FOXJ3: variants seen among roughly 807,000 people sequenced by gnomAD.
The protein encoded by FOXJ3 is forkhead box protein J3.
A neutral mutation model predicts 76.1 loss-of-function variants in FOXJ3; 22 were observed. That is an observed-to-expected ratio of 0.29 (90% CI 0.21 to 0.41). The LOEUF (loss-of-function observed/expected upper bound fraction) is 0.41, where lower values mean the gene tolerates loss of function less well. Among genes scored for constraint, FOXJ3 ranks in the 10% least tolerant of loss-of-function variants. The probability of loss-of-function intolerance (pLI) is 1.00; values close to 1 mark genes in which losing one functional copy is unlikely to be tolerated. For missense variants in FOXJ3, 613 were observed against 762.1 expected (o/e 0.80, Z 2.30); for synonymous variants, 269 against 261.2 (o/e 1.03, Z -0.29).
rs773634945 is a variant in FOXJ3 at position 42,179,800 on chromosome 1, C to T, written c.1779G>A (p.Gln593=). The T allele has an allele frequency of 6.8e-6, 11 of 1,613,614 alleles. No homozygotes were observed. Among genetic ancestry groups the T allele is most frequent in the African/African-American group, 1.3e-5 (1 of 74,906 alleles). The change falls in exon 13 of 13, where the codon CAG becomes CAA. Residue 593 remains glutamine, a synonymous_variant. Transcript: ENST00000361346. The part of the protein sequence containing the change: ...MAGHHRAMNQ[Q]HMMPSQAFQM... The stretch of plus-strand genomic sequence containing the variant: ...GGAAGGCTTGGGAAGGCATCATGTG[C>T]TGCTGGTTCATGGCTCTGTGATGGC...
At chr1:42,269,681 C>T (rs1474406875) in intron 3 of FOXJ3, among the ~76,000 whole-genome samples, 3 of 152,132 alleles carry the variant, frequency 2.0e-5, no homozygotes, top group Non-Finnish European at 4.4e-5. Context: ...TTCAGTTTTC[C>T]CTTCTCAGTT....
At chr1:42,324,187 GAA>G (rs1475080717) in intron 1 of FOXJ3, among the ~76,000 whole-genome samples, 2 of 10,914 alleles carry the variant, frequency 1.8e-4, no homozygotes, top group Non-Finnish European at 4.2e-4. Context: ...TAAATTCTAG[GAA>G]TATATATACT....
intron 4 of FOXJ3, among the ~76,000 whole-genome samples, chr1:42,241,763 C>G (rs553059674): frequency 1.4e-4 from 21 of 152,332 alleles, no homozygotes; most frequent in East Asian, 5.8e-4. Flanking sequence ...ACCACCTGTA[C>G]AGCCCACTGC....
chr1:42,227,925 C>T lies in FOXJ3; in HGVS notation c.486G>A (p.Val162=), dbSNP rs757198527. The T allele has an allele frequency of 4.8e-5, 76 of 1,580,832 alleles. 1 individual carries two copies. The highest frequency in any genetic ancestry group is 3.4e-4 in the Middle Eastern group (2 of 5,940). Reference sequence around the variant, plus strand: ...CCCTCTTCTTTGGCCGAGTAGGCAGCACATCTTCCTTCGGATTGGTGTCTA... The same window carrying T: ...CCCTCTTCTTTGGCCGAGTAGGCAGTACATCTTCCTTCGGATTGGTGTCTA... ...WAIDTNPKED[V]LPTRPKKRAR... The change falls in exon 5 of 13, where the codon GTG becomes GTA. Residue 162 remains valine (V), a synonymous_variant. Transcript: ENST00000361346.
chr1:42,237,405 C>CATATATATATATATATATATATAT (rs60560055), intron 4 of FOXJ3, among the ~76,000 whole-genome samples: 10 of 140,762 alleles, frequency 7.1e-5, no homozygotes, highest in South Asian at 2.3e-4. Flanking sequence ...TACATACATA[C>CATATATATATATATATATATATAT]ATATATATAT....
At chr1:42,323,621 G>A in intron 1 of FOXJ3, 2 of 763,554 alleles carry the variant, frequency 2.6e-6, no homozygotes, top group Non-Finnish European at 3.2e-6. Flanking sequence ...CCTCTTCTCA[G>A]TAAACCCATA....
chr1:42,275,168 A>G (rs1027893337), intron 3 of FOXJ3, among the ~76,000 whole-genome samples: 34 of 152,218 alleles, frequency 2.2e-4, no homozygotes, highest in Admixed American at 9.8e-4. Flanking sequence ...CTTCCCTTAC[A>G]AGGGAATCAC....
intron 4 of FOXJ3, among the ~76,000 whole-genome samples, chr1:42,262,776 G>A (rs1284734429): frequency 6.6e-6 from 1 of 152,206 alleles, no homozygotes; most frequent in African/African-American, 2.4e-5. Flanking sequence ...TTAAACCCGG[G>A]AGACGGAGGC....
chr1:42,330,388 A>G (rs1656085105), intron 1 of FOXJ3, among the ~76,000 whole-genome samples: 1 of 152,218 alleles, frequency 6.6e-6, no homozygotes, highest in Admixed American at 6.5e-5. Flanking sequence ...CTGTAATCCT[A>G]GCGCTTTGGG....
intron 7 of FOXJ3, among the ~76,000 whole-genome samples, chr1:42,195,445 A>G (rs1646633283): frequency 6.6e-6 from 1 of 152,180 alleles, no homozygotes; most frequent in Admixed American, 6.5e-5. Context: ...CCATAAAACT[A>G]CTAACATTTC....
rs1049943233 is a variant in FOXJ3 at position 42,217,539 on chromosome 1, A to G, written c.528+10344T>C. ...CAAGACTCCGCCTCAAAAAAAAAAA[A>G]TCCTTACAATACCATTGAAAAACAA... On this transcript the variant is annotated intron_variant, in intron 5 of 12. Coordinates refer to ENST00000361346, the MANE Select transcript of FOXJ3 (RefSeq NM_014947.5). Among the ~76,000 whole-genome samples the G allele has an allele frequency of 7.9e-5, 12 of 152,182 alleles. No homozygotes were observed. In the South Asian group the frequency reaches 1.0e-3, roughly 13 times the overall value.
At chr1:42,183,001 A>G (rs1013346309) in intron 11 of FOXJ3, among the ~76,000 whole-genome samples, 1 of 147,680 alleles carries the variant, frequency 6.8e-6, no homozygotes, top group Admixed American at 6.8e-5. Flanking sequence ...TGGGCAAGGC[A>G]TGGTGGCTCA....
At chr1:42,305,021 A>AT (rs1485056298) in intron 2 of FOXJ3, among the ~76,000 whole-genome samples, 1 of 152,352 alleles carries the variant, frequency 6.6e-6, no homozygotes, top group Non-Finnish European at 1.5e-5. Context: ...ACCAGAATAT[A>AT]TAAGGAGCTC....
chr1:42,334,359 C>T (rs967357998), intron 1 of FOXJ3, among the ~76,000 whole-genome samples: 2 of 152,168 alleles, frequency 1.3e-5, no homozygotes, highest in African/African-American at 4.8e-5. Flanking sequence ...CGGAGGAAAT[C>T]ACAGAGGAAA....
At chr1:42,283,759 T>C (rs985987605) in intron 2 of FOXJ3, among the ~76,000 whole-genome samples, 2 of 152,228 alleles carry the variant, frequency 1.3e-5, no homozygotes, top group East Asian at 1.9e-4. Flanking sequence ...TGGGTCAATA[T>C]GTGCTACCAC....
chr1:42,306,598 G>A (rs1048697941), intron 2 of FOXJ3, among the ~76,000 whole-genome samples: 3 of 151,856 alleles, frequency 2.0e-5, no homozygotes, highest in Non-Finnish European at 4.4e-5. Flanking sequence ...CACGGTGCCC[G>A]GTCCCACTCT....
chr1:42,334,908 C>T (rs1368271103), intron 1 of FOXJ3, 151 bp downstream of exon 1: 1 of 152,336 alleles, frequency 6.6e-6, no homozygotes, highest in Non-Finnish European at 1.5e-5. Context: ...AGGCCCCCTG[C>T]CCCACCCGCC....
At chr1:42,180,562 T>C (rs1646298613) in intron 12 of FOXJ3, among the ~76,000 whole-genome samples, 1 of 152,198 alleles carries the variant, frequency 6.6e-6, no homozygotes, top group African/African-American at 2.4e-5. Flanking sequence ...CTTTTAACTG[T>C]TGTGGAAGTT....
chr1:42,220,383 G>T (rs1320785021), intron 5 of FOXJ3, among the ~76,000 whole-genome samples: 2 of 152,114 alleles, frequency 1.3e-5, no homozygotes, highest in Admixed American at 6.5e-5. Context: ...GAAAATCCAG[G>T]AGGCTGCAAA....
Sources: gnomAD v4.1 joint callset for allele counts (sites outside exome capture counted in the v4.1 genomes callset) on GRCh38, gnomAD v4.1.1 for gene constraint, MANE v1.5 for transcripts, NCBI Gene and HGNC (gene_info 2026-07-23, HGNC 2026-07-21) for gene names.